Variants in SLC39A11 observed in about 807,000 individuals in gnomAD.
The protein encoded by SLC39A11 is zinc transporter ZIP11.
A neutral mutation model predicts 36.1 loss-of-function variants in SLC39A11; 33 were observed. That is an observed-to-expected ratio of 0.91 (90% CI 0.69 to 1.22). The LOEUF is 1.22. SLC39A11 is among the 50% of genes most tolerant of loss of function. The probability of loss-of-function intolerance (pLI) is 0.00; values close to 1 mark genes in which losing one functional copy is unlikely to be tolerated. For synonymous variants in SLC39A11, 166 were observed against 170.3 expected, an observed-to-expected ratio of 0.97 and a Z score of 0.20; for missense variants, 432 against 430.3, an observed-to-expected ratio of 1.00 and a Z score of -0.03.
intron 5 of SLC39A11, among the ~76,000 whole-genome samples, chr17:72,909,322 G>A (rs61701703): frequency 0.01 from 1,590 of 152,294 alleles, 26 homozygotes; most frequent in African/African-American, 0.036. Flanking sequence ...CGATTCTGGG[G>A]AGAGTCACGT....
At position 73,084,847 on chromosome 17, in the gene SLC39A11, C is replaced by G. The variant is rs1442420132; in HGVS notation, c.109-1G>C. ...CAAGACTTCCATCTAAGATCCGCCT[C>G]TGAAAATCAAAACAAGATGTTTCAG... On this transcript the variant is annotated splice_acceptor_variant, in intron 2 of 9. Transcript: ENST00000255559. LOFTEE classifies it high-confidence loss of function. 2 of 1,614,088 alleles carry G rather than the reference C, an allele frequency of 1.2e-6. No individual in the cohort carries two copies. The highest frequency in any genetic ancestry group is 1.7e-6 in the Non-Finnish European group (2 of 1,180,000).
chr17:72,668,637 G>A (rs2070861074), intron 7 of SLC39A11, among the ~76,000 whole-genome samples: 4 of 152,202 alleles, frequency 2.6e-5, no homozygotes, highest in Admixed American at 2.6e-4. Flanking sequence ...CTATGAATGG[G>A]CATGAAGGAA....
At chr17:72,960,604 C>T (rs1458670122) in intron 4 of SLC39A11, among the ~76,000 whole-genome samples, 2 of 152,076 alleles carry the variant, frequency 1.3e-5, no homozygotes, top group Non-Finnish European at 2.9e-5. Context: ...CCAACCTGAA[C>T]ATGGCGAGAC....
At chr17:72,794,429 T>A (rs770222004) in intron 6 of SLC39A11, among the ~76,000 whole-genome samples, 16 of 152,002 alleles carry the variant, frequency 1.1e-4, no homozygotes, top group Non-Finnish European at 1.5e-4. Context: ...AGTGAGAAAA[T>A]CTGATAATAT....
At chr17:72,823,933 G>A (rs1248473757) in intron 6 of SLC39A11, 1 of 151,238 alleles carries the variant, frequency 6.6e-6, no homozygotes, top group East Asian at 1.9e-4. Context: ...ATGAATAGAT[G>A]GGATTCTAGG....
intron 4 of SLC39A11, among the ~76,000 whole-genome samples, chr17:73,021,975 C>A (rs912795346): frequency 2.0e-5 from 3 of 152,252 alleles, no homozygotes; most frequent in African/African-American, 7.2e-5. Context: ...TCGTGCCAGA[C>A]CCACGGGGTC....
chr17:72,832,366 G>A (rs540403418), intron 6 of SLC39A11, among the ~76,000 whole-genome samples: 79 of 152,292 alleles, frequency 5.2e-4, no homozygotes, highest in Non-Finnish European at 8.4e-4. Flanking sequence ...CTACCCCCTC[G>A]AATATTCTGT....
intron 3 of SLC39A11, among the ~76,000 whole-genome samples, chr17:73,043,259 G>A (rs2059167461): frequency 6.6e-6 from 1 of 152,146 alleles, no homozygotes; most frequent in South Asian, 2.1e-4. Context: ...GTACACAGAG[G>A]CTTATGTTGT....
chr17:72,891,516 C>T (rs1374868011), intron 5 of SLC39A11, among the ~76,000 whole-genome samples: 1 of 152,126 alleles, frequency 6.6e-6, no homozygotes, highest in African/African-American at 2.4e-5. Context: ...CTCCCACTTG[C>T]TGCTCCCCAG....
chr17:72,835,724 G>A (rs893180686), intron 6 of SLC39A11, among the ~76,000 whole-genome samples: 3 of 152,182 alleles, frequency 2.0e-5, no homozygotes, highest in East Asian at 1.9e-4. Flanking sequence ...GCCTCCCAAC[G>A]ATACACTCTG....
chr17:72,981,909 C>T (rs977406736), intron 4 of SLC39A11, among the ~76,000 whole-genome samples: 24 of 152,100 alleles, frequency 1.6e-4, no homozygotes, highest in Non-Finnish European at 4.4e-5. Flanking sequence ...GAAATACAAA[C>T]AGCTTTGAAA....
chr17:73,054,488 GAA>G (rs2059606786), intron 3 of SLC39A11, among the ~76,000 whole-genome samples: 2 of 152,158 alleles, frequency 1.3e-5, no homozygotes, highest in Non-Finnish European at 2.9e-5. Context: ...GCTCAACAGT[GAA>G]AGAGACCGCC....
intron 7 of SLC39A11, among the ~76,000 whole-genome samples, chr17:72,662,119 T>A (rs567476260): frequency 4.6e-5 from 7 of 152,216 alleles, no homozygotes; most frequent in African/African-American, 1.7e-4. Flanking sequence ...AAGACACATC[T>A]TAAACTGGGC....
Position 73,012,621 on chromosome 17 carries a change from G to A in SLC39A11, c.306+18935C>T, listed in dbSNP as rs74858270. Among the ~76,000 whole-genome samples, 670 of 152,056 alleles carry A rather than the reference G, an allele frequency of 4.4e-3. 10 individuals carry two copies. Among genetic ancestry groups the A allele is most frequent in the South Asian group, 0.041 (197 of 4,806 alleles). On this transcript the variant is annotated intron_variant, in intron 4 of 9. Transcript: ENST00000255559. ...GTATATTGTGTGATGCTAAGGTTAG[G>A]AGTAGGACTGAACCTGTCACCCAGG...
chr17:73,077,018 A>C (rs1402316104), intron 3 of SLC39A11, among the ~76,000 whole-genome samples: 1 of 151,984 alleles, frequency 6.6e-6, no homozygotes, highest in Non-Finnish European at 1.5e-5. Context: ...AATGTGCTAA[A>C]TGCCACCTGG....
intron 7 of SLC39A11, among the ~76,000 whole-genome samples, chr17:72,735,912 G>C (rs2074408106): frequency 1.3e-5 from 2 of 152,224 alleles, no homozygotes; most frequent in Non-Finnish European, 2.9e-5. Context: ...CTTCTGTATG[G>C]AAGGTGAGGG....
chr17:72,699,762 CA>C (rs2072518141), intron 7 of SLC39A11, among the ~76,000 whole-genome samples: 1 of 152,170 alleles, frequency 6.6e-6, no homozygotes, highest in Non-Finnish European at 1.5e-5. Context: ...AGCCAGGGAC[CA>C]GGGGACAAAG....
chr17:72,886,395 G>T (rs192328692), intron 5 of SLC39A11, among the ~76,000 whole-genome samples: 63 of 152,186 alleles, frequency 4.1e-4, no homozygotes, highest in African/African-American at 1.5e-3. Context: ...TTTTTCTCCA[G>T]CCACTCCCTG....
At chr17:72,874,849 G>T (rs1456055784) in intron 5 of SLC39A11, among the ~76,000 whole-genome samples, 1 of 152,170 alleles carries the variant, frequency 6.6e-6, no homozygotes, top group Non-Finnish European at 1.5e-5. Flanking sequence ...TGTGGACAAA[G>T]GAAATAAGAC....
Sources: gnomAD v4.1 joint callset for allele counts (sites outside exome capture counted in the v4.1 genomes callset) on GRCh38, gnomAD v4.1.1 for gene constraint, MANE v1.5 for transcripts, NCBI Gene and HGNC (gene_info 2026-07-23, HGNC 2026-07-21) for gene names.